The following MET variants were observed in gnomAD, a reference collection of about 807,000 sequenced individuals.
MET encodes the protein hepatocyte growth factor receptor.
MET carries 48 observed loss-of-function variants against 133.1 expected under a neutral mutation model. The ratio of observed to expected loss-of-function variants is 0.36; its 90% CI spans 0.29 to 0.46. MET has a LOEUF of 0.46. MET is among the 20% of genes least tolerant of loss of function. The probability of loss-of-function intolerance (pLI) is 1.00; values close to 1 mark genes in which losing one functional copy is unlikely to be tolerated. For missense variants in MET, 1,442 were observed against 1,695.9 expected (o/e 0.85, Z 2.63); for synonymous variants, 628 against 616.5 (o/e 1.02, Z -0.28).
At chr7:116,700,384 A>G in intron 2 of MET, 100 bp downstream of exon 2, 1 of 1,364,904 alleles carries the variant, frequency 7.3e-7, no homozygotes, top group East Asian at 2.4e-5. Flanking sequence ...GTGCTTTGTA[A>G]ATGGTGTTTA....
At position 116,783,343 on chromosome 7, in the gene MET, T is replaced by C. The variant is rs762218595; in HGVS notation, c.3672T>C (p.Gly1224=). The C allele has an allele frequency of 3.1e-6, 5 of 1,614,152 alleles. 1 individual carries two copies. In the South Asian group the frequency reaches 3.3e-5, roughly 11 times the overall value. The change falls in exon 19 of 21, where the codon GGT becomes GGC. Residue 1224 remains glycine, a synonymous_variant. Transcript: ENST00000397752. The part of the protein sequence containing the change: ...EKFTVKVADF[G]LARDMYDKEY... ...TCACAGTCAAGGTTGCTGATTTTGG[T>C]CTTGCCAGAGACATGTATGATAAAG...
At chr7:116,733,460 A>C (rs1369880264) in intron 3 of MET, among the ~76,000 whole-genome samples, 1 of 151,420 alleles carries the variant, frequency 6.6e-6, no homozygotes, top group Non-Finnish European at 1.5e-5. Flanking sequence ...TCCCTGGCCT[A>C]TTTCCACATT....
intron 2 of MET, among the ~76,000 whole-genome samples, chr7:116,704,111 T>C (rs1240239236): frequency 3.9e-5 from 6 of 152,130 alleles, no homozygotes; most frequent in Non-Finnish European, 8.8e-5. Context: ...ATACCAACCA[T>C]GTGACTTCTG....
chr7:116,762,626 G>A (rs1346863327), intron 10 of MET, among the ~76,000 whole-genome samples: 5 of 152,194 alleles, frequency 3.3e-5, no homozygotes, highest in African/African-American at 1.2e-4. Context: ...GAGTTATTCA[G>A]TGTGGGCCCT....
intron 11 of MET, 71 bp downstream of exon 11, chr7:116,763,339 C>A: frequency 1.5e-6 from 2 of 1,363,798 alleles, no homozygotes; most frequent in South Asian, 2.4e-5. Context: ...TATGTGAATA[C>A]AATTGTTGTA....
At chr7:116,723,738 T>TGG (rs1562898127) in intron 2 of MET, among the ~76,000 whole-genome samples, 2 of 152,118 alleles carry the variant, frequency 1.3e-5, no homozygotes, top group Admixed American at 6.5e-5. Context: ...TGGAGTACCC[T>TGG]GCCGTGTGAG....
At chr7:116,739,886 T>C in intron 3 of MET, 64 bp from the exon 4 acceptor site, 1 of 1,610,208 alleles carries the variant, frequency 6.2e-7, no homozygotes, top group Non-Finnish European at 8.5e-7. Flanking sequence ...ATCATCTACA[T>C]TTTCCACTTA....
At chr7:116,674,733 C>T (rs1796092210) in intron 1 of MET, among the ~76,000 whole-genome samples, 1 of 152,226 alleles carries the variant, frequency 6.6e-6, no homozygotes, top group Admixed American at 6.5e-5. Flanking sequence ...CTGTCCTCTT[C>T]CTCCTCAACC....
intron 18 of MET, 118 bp downstream of exon 18, chr7:116,782,215 G>A: frequency 1.3e-6 from 1 of 758,216 alleles, no homozygotes; most frequent in South Asian, 1.5e-5. Flanking sequence ...CTTTATTTCT[G>A]TTACAATCTT....
At chr7:116,739,724 T>A (rs1793369093) in intron 3 of MET, among the ~76,000 whole-genome samples, 1 of 152,176 alleles carries the variant, frequency 6.6e-6, no homozygotes, top group Non-Finnish European at 1.5e-5. Flanking sequence ...CTTGAAACCA[T>A]TAAAAGATCA....
intron 3 of MET, among the ~76,000 whole-genome samples, chr7:116,733,550 G>A (rs1179466519): frequency 6.6e-6 from 1 of 151,968 alleles, no homozygotes; most frequent in African/African-American, 2.4e-5. Flanking sequence ...AGAGTCAATC[G>A]CCTGAGGGAT....
chr7:116,795,809 A>G lies in MET; in HGVS notation c.3935+18A>G, dbSNP rs1795651247. 1 of 1,614,150 alleles carries G rather than the reference A, an allele frequency of 6.2e-7. No individual in the cohort carries two copies. The highest frequency in any genetic ancestry group is 8.5e-7 in the Non-Finnish European group (1 of 1,180,010). The stretch of plus-strand genomic sequence containing the variant: ...GACCCCTTGTAAGTAGTCTTTCTGT[A>G]CCTCTTACGTTCTTTACTTTTACAG... On this transcript the variant is annotated intron_variant, in intron 20 of 20. Transcript: ENST00000397752.
chr7:116,761,559 C>A (rs948459755), intron 10 of MET, among the ~76,000 whole-genome samples: 3 of 152,018 alleles, frequency 2.0e-5, no homozygotes, highest in Non-Finnish European at 4.4e-5. Context: ...AACTTGAATC[C>A]TTTCAAAACA....
intron 19 of MET, among the ~76,000 whole-genome samples, chr7:116,785,246 G>A (rs1048517150): frequency 3.3e-5 from 5 of 152,216 alleles, no homozygotes; most frequent in Non-Finnish European, 4.4e-5. Flanking sequence ...GGTGCAAACT[G>A]TCAGTGGATC....
intron 15 of MET, among the ~76,000 whole-genome samples, chr7:116,776,211 C>T (rs1794990388): frequency 6.6e-6 from 1 of 152,206 alleles, no homozygotes; most frequent in Admixed American, 6.5e-5. Context: ...CTTATATGAA[C>T]ACAAGGCCTT....
At chr7:116,749,095 A>G (rs1193777218) in intron 5 of MET, among the ~76,000 whole-genome samples, 1 of 152,232 alleles carries the variant, frequency 6.6e-6, no homozygotes, top group Non-Finnish European at 1.5e-5. Context: ...ACTCCTCCCT[A>G]ACTCATTTTA....
At chr7:116,695,419 T>G (rs937991681) in intron 1 of MET, among the ~76,000 whole-genome samples, 1 of 152,356 alleles carries the variant, frequency 6.6e-6, no homozygotes, top group African/African-American at 2.4e-5. Flanking sequence ...ATACTCTATA[T>G]TGATCAAAGT....
intron 1 of MET, among the ~76,000 whole-genome samples, chr7:116,674,425 TA>T (rs142208803): frequency 0.029 from 4,415 of 151,894 alleles, 85 homozygotes; most frequent in Non-Finnish European, 0.032. Flanking sequence ...TTGAAATCTT[TA>T]AAAAAAAATT....
At chr7:116,749,714 C>T (rs551126161) in intron 5 of MET, among the ~76,000 whole-genome samples, 16 of 152,134 alleles carry the variant, frequency 1.1e-4, no homozygotes, top group Non-Finnish European at 2.2e-4. Flanking sequence ...AAAACCCCAT[C>T]GTCTCAGCCC....
Sources: gnomAD v4.1 joint callset for allele counts (sites outside exome capture counted in the v4.1 genomes callset) on GRCh38, gnomAD v4.1.1 for gene constraint, MANE v1.5 for transcripts, NCBI Gene and HGNC (gene_info 2026-07-23, HGNC 2026-07-21) for gene names.